The following CFAP100 variants were observed in gnomAD, a reference collection of about 807,000 sequenced individuals.
The protein encoded by CFAP100 is cilia and flagella associated protein 100.
A neutral mutation model predicts 81.5 loss-of-function variants in CFAP100; 70 were observed. That is an observed-to-expected ratio of 0.86 (90% CI 0.71 to 1.05). The LOEUF is 1.05. CFAP100 is among the 50% of genes least tolerant of loss of function. The pLI, the probability that CFAP100 is intolerant of heterozygous loss-of-function variation, is 0.00. For synonymous variants in CFAP100, 341 were observed against 314.8 expected (o/e 1.08, Z -0.88); for missense variants, 811 against 776.5 (o/e 1.04, Z -0.53).
chr3:126,436,229 A>G lies in CFAP100; in HGVS notation c.1723-62A>G, dbSNP rs1576653083. 8 of 1,309,944 alleles carry G rather than the reference A, an allele frequency of 6.1e-6. No homozygotes were observed. In the Admixed American group the frequency reaches 9.2e-5, roughly 15 times the overall value. The allele number at this position is 1,309,944 out of a possible 1,614,324, so 81.1% of individuals were successfully genotyped here. The stretch of plus-strand genomic sequence containing the variant: ...CTGGGCCTCTCCCTGCACCAGGGGC[A>G]GGGGTATATGGGCATACGGCTCACT... On this transcript the variant is annotated intron_variant, in intron 16 of 16. Coordinates refer to ENST00000352312, the MANE Select transcript of CFAP100 (RefSeq NM_182628.3).
intron 13 of CFAP100, among the ~76,000 whole-genome samples, chr3:126,430,934 G>C (rs1378042290): frequency 6.6e-6 from 1 of 151,922 alleles, no homozygotes; most frequent in Admixed American, 6.6e-5. Context: ...TCAATAACTG[G>C]AGGCTTATCA....
At position 126,420,237 on chromosome 3, in the gene CFAP100, G is replaced by C; in HGVS notation, c.1082+8G>C. On this transcript the variant is annotated splice_region_variant and intron_variant, in intron 11 of 16. Coordinates refer to ENST00000352312, the MANE Select transcript of CFAP100 (RefSeq NM_182628.3). ...CGGTGGCGACTCCAGAGGGTGAGTGGGCTCGGGTGGTTGGGAGGGGCTGAG... is the reference window on the plus strand; with the variant it reads ...CGGTGGCGACTCCAGAGGGTGAGTGCGCTCGGGTGGTTGGGAGGGGCTGAG... 6.2e-7 allele frequency: 1 copy of C among 1,610,216 alleles called. No homozygotes were observed. Among genetic ancestry groups the C allele is most frequent in the Non-Finnish European group, 8.5e-7 (1 of 1,179,604 alleles).
intron 3 of CFAP100, among the ~76,000 whole-genome samples, chr3:126,409,643 G>T (rs2083123691): frequency 6.6e-6 from 1 of 152,116 alleles, no homozygotes; most frequent in South Asian, 2.1e-4. Flanking sequence ...TTGTCCTCTG[G>T]GTATATGTTA....
At chr3:126,433,800 C>T (rs954212906) in intron 14 of CFAP100, 1 of 222,674 alleles carries the variant, frequency 4.5e-6, no homozygotes, top group Non-Finnish European at 9.0e-6. Context: ...CCTCTCTCCT[C>T]ATATAGCCCA....
chr3:126,414,738 C>T (rs909388617), intron 4 of CFAP100, among the ~76,000 whole-genome samples: 1 of 152,242 alleles, frequency 6.6e-6, no homozygotes, highest in Non-Finnish European at 1.5e-5. Flanking sequence ...CTTGCTTTCC[C>T]AGCCCTGAGA....
At chr3:126,416,884 G>T (rs1050114061) in intron 5 of CFAP100, 1 of 165,304 alleles carries the variant, frequency 6.0e-6, no homozygotes, top group East Asian at 1.7e-4. Flanking sequence ...TTTATTAGTC[G>T]TTATTGTTTA....
chr3:126,413,885 A>C (rs889268545), intron 3 of CFAP100, among the ~76,000 whole-genome samples, 200 bp from the exon 4 acceptor site: 1 of 152,174 alleles, frequency 6.6e-6, no homozygotes, highest in Non-Finnish European at 1.5e-5. Flanking sequence ...GCCCAACTTG[A>C]ACCAGGTTAA....
chr3:126,421,314 T>C (rs1266001779), intron 11 of CFAP100, among the ~76,000 whole-genome samples: 1 of 152,162 alleles, frequency 6.6e-6, no homozygotes, highest in African/African-American at 2.4e-5. Flanking sequence ...ACCTTATTTC[T>C]GTTCACTATT....
chr3:126,413,010 C>G (rs760757264), intron 3 of CFAP100, among the ~76,000 whole-genome samples: 4 of 152,254 alleles, frequency 2.6e-5, no homozygotes, highest in African/African-American at 7.2e-5. Context: ...CATGCGTGTT[C>G]ATCACCAGTT....
intron 15 of CFAP100, 164 bp downstream of exon 15, chr3:126,434,545 A>C: frequency 9.0e-6 from 6 of 664,928 alleles, no homozygotes; most frequent in Non-Finnish European, 1.2e-5. Flanking sequence ...GAGGGGCATC[A>C]CAGTCAAGTG....
intron 13 of CFAP100, among the ~76,000 whole-genome samples, chr3:126,426,674 T>A (rs1932955232): frequency 6.6e-6 from 1 of 152,088 alleles, no homozygotes; most frequent in South Asian, 2.1e-4. Flanking sequence ...CACTTGAACT[T>A]GGGAGGCGGA....
intron 14 of CFAP100, chr3:126,433,427 T>C: frequency 1.8e-6 from 1 of 564,062 alleles, no homozygotes; most frequent in South Asian, 2.2e-5. Context: ...CATTCTTTTA[T>C]TCAACAAATG....
At chr3:126,420,888 T>G (rs756860894) in intron 11 of CFAP100, 2 of 152,432 alleles carry the variant, frequency 1.3e-5, no homozygotes, top group African/African-American at 2.4e-5. Flanking sequence ...ACATTTTTGT[T>G]GGATTATTGG....
At position 126,434,349 on chromosome 3, in the gene CFAP100, CGA is replaced by C. The variant is rs1560083170; in HGVS notation, c.1600_1601del (p.Arg534GlyfsTer36). On this transcript the variant is annotated frameshift_variant, in exon 15 of 17. Coordinates refer to ENST00000352312, the MANE Select transcript of CFAP100 (RefSeq NM_182628.3). LOFTEE classifies it high-confidence loss of function. Reference sequence around the variant, plus strand: ...TGCCCCAGGTCAAGATCGAGCAGGCCGAGAGGGCAAAGGAGAAGGAGCGGCGC... The same window carrying C: ...TGCCCCAGGTCAAGATCGAGCAGGCCGAGGGCAAAGGAGAAGGAGCGGCGC... ...HVPQVKIEQA[E>X]RAKEKERRIR... 6.8e-6 allele frequency: 11 copies of C among 1,613,760 alleles called. No homozygotes were observed. Among genetic ancestry groups the C allele is most frequent in the South Asian group, 1.1e-5 (1 of 91,036 alleles).
At chr3:126,404,803 G>C (rs2083038274) in intron 2 of CFAP100, among the ~76,000 whole-genome samples, 1 of 152,060 alleles carries the variant, frequency 6.6e-6, no homozygotes, top group South Asian at 2.1e-4. Flanking sequence ...GCCTCCCAAT[G>C]AGCTGGGACT....
chr3:126,403,193 G>A (rs2083012966), intron 2 of CFAP100, among the ~76,000 whole-genome samples: 1 of 152,120 alleles, frequency 6.6e-6, no homozygotes, highest in Non-Finnish European at 1.5e-5. Context: ...CCAGAGGTCA[G>A]GAGAGTAGGC....
chr3:126,403,383 CTTTTT>C (rs10707460), intron 2 of CFAP100, among the ~76,000 whole-genome samples: 1 of 117,614 alleles, frequency 8.5e-6, no homozygotes. Context: ...TGTATTTTAT[CTTTTT>C]TTTTTTTTTT....
chr3:126,418,434 C>T (rs1426160046), intron 5 of CFAP100, 24 bp from the exon 6 acceptor site: 12 of 1,613,146 alleles, frequency 7.4e-6, no homozygotes, highest in Non-Finnish European at 9.3e-6. Flanking sequence ...CCCGCTCCTG[C>T]TCACCTCCCT....
chr3:126,436,529 C>A lies in CFAP100; in HGVS notation c.*125C>A. 1.5e-6 allele frequency: 1 copy of A among 665,814 alleles called. No homozygotes were observed. 41.2% of individuals were successfully genotyped at this position (665,814 alleles called of 1,614,324 possible). ...TCTGTCTCCTGTGTGCTCCCTTCCT[C>A]ACCTGAATAAATTCATGTCTCTCTG... On this transcript the variant is annotated 3_prime_UTR_variant, in exon 17 of 17. Coordinates refer to ENST00000352312, the MANE Select transcript of CFAP100 (RefSeq NM_182628.3).
Sources: gnomAD v4.1 joint callset for allele counts (sites outside exome capture counted in the v4.1 genomes callset) on GRCh38, gnomAD v4.1.1 for gene constraint, MANE v1.5 for transcripts, NCBI Gene and HGNC (gene_info 2026-07-23, HGNC 2026-07-21) for gene names.